TBC1D8: variants seen among roughly 807,000 people sequenced by gnomAD.
The protein encoded by TBC1D8 is TBC1 domain family member 8.
TBC1D8 carries 65 observed loss-of-function variants against 118.8 expected under a neutral mutation model. That is an observed-to-expected ratio of 0.55 (90% CI 0.45 to 0.67). The LOEUF (loss-of-function observed/expected upper bound fraction) is 0.67, where lower values mean the gene tolerates loss of function less well. Among genes scored for constraint, TBC1D8 ranks in the 30% least tolerant of loss-of-function variants. The pLI is 0.00. For synonymous variants in TBC1D8, 566 were observed against 595.8 expected, an observed-to-expected ratio of 0.95 and a Z score of 0.73; for missense variants, 1,376 against 1,471.2, an observed-to-expected ratio of 0.94 and a Z score of 1.06.
In TBC1D8 at chr2:101,054,105, T is replaced by TA. The variant is rs1422326367; in HGVS notation, c.631+2dup. 4 of 1,608,182 alleles carry TA rather than the reference T, an allele frequency of 2.5e-6. No homozygotes were observed. The highest frequency in any genetic ancestry group is 3.4e-6 in the Non-Finnish European group (4 of 1,177,202). On this transcript the variant is annotated splice_region_variant and intron_variant, in intron 4 of 19. Transcript: ENST00000409318. ...TTGGAAGAGCCTGCCAGGCCTCACT[T>TA]ACGTTCCTTGCCCAGGAAGAAGGAG...
At chr2:101,009,298 C>T (rs891299797) in intron 19 of TBC1D8, among the ~76,000 whole-genome samples, 2 of 150,534 alleles carry the variant, frequency 1.3e-5, no homozygotes, top group South Asian at 2.1e-4. Context: ...CCCAGCTACT[C>T]GGGAAGCTGA....
At chr2:101,008,374 T>G in intron 19 of TBC1D8, 101 bp from the exon 20 acceptor site, 10 of 923,582 alleles carry the variant, frequency 1.1e-5, no homozygotes, top group Non-Finnish European at 1.4e-5. Context: ...ACACAGTATT[T>G]TTGAAGACAC....
intron 1 of TBC1D8, among the ~76,000 whole-genome samples, chr2:101,146,758 T>C (rs1573120270): frequency 6.6e-6 from 1 of 152,314 alleles, no homozygotes. Context: ...ATAGCTATTC[T>C]GTAATACACG....
intron 1 of TBC1D8, among the ~76,000 whole-genome samples, chr2:101,122,970 G>T (rs1485565253): frequency 6.6e-6 from 1 of 152,154 alleles, no homozygotes; most frequent in East Asian, 1.9e-4. Flanking sequence ...ATGTGATGTG[G>T]GTGTGTAAGC....
intron 1 of TBC1D8, among the ~76,000 whole-genome samples, chr2:101,121,153 G>A (rs1055783343): frequency 1.3e-5 from 2 of 151,852 alleles, no homozygotes; most frequent in Admixed American, 6.6e-5. Context: ...GCTCTTTTGA[G>A]GAAAAGAAAA....
At chr2:101,088,744 A>C (rs542893425) in intron 2 of TBC1D8, among the ~76,000 whole-genome samples, 2 of 151,148 alleles carry the variant, frequency 1.3e-5, no homozygotes, top group South Asian at 4.2e-4. Context: ...CTAATTTTTA[A>C]ATTTTTTGCA....
chr2:101,112,810 C>A (rs1328729713), intron 1 of TBC1D8, among the ~76,000 whole-genome samples: 1 of 152,180 alleles, frequency 6.6e-6, no homozygotes, highest in East Asian at 1.9e-4. Flanking sequence ...GCCCCTAACT[C>A]ATGAAGACTA....
At chr2:101,102,571 T>C (rs1311181613) in intron 1 of TBC1D8, among the ~76,000 whole-genome samples, 1 of 151,096 alleles carries the variant, frequency 6.6e-6, no homozygotes, top group Non-Finnish European at 1.5e-5. Context: ...GGCTCAACTG[T>C]ATGTTGTCCA....
intron 1 of TBC1D8, among the ~76,000 whole-genome samples, chr2:101,092,842 T>C (rs1676129727): frequency 6.6e-6 from 1 of 152,180 alleles, no homozygotes. Context: ...TCATTGCTAA[T>C]GGGGTGCCTC....
At chr2:101,019,191 T>G in intron 17 of TBC1D8, 1 of 998,754 alleles carries the variant, frequency 1.0e-6, no homozygotes, top group South Asian at 1.7e-5. Context: ...ACGGCCGGGG[T>G]TTCAACAAGG....
rs1006700725 is a variant in TBC1D8, at chr2:101,149,963, G to A, written c.127+1164C>T. 2.3e-4 allele frequency among the ~76,000 whole-genome samples: 35 copies of A among 152,264 alleles called. 1 individual carries two copies. Among genetic ancestry groups the A allele is most frequent in the South Asian group, 1.2e-3 (6 of 4,830 alleles). ...TAACTACACTCTGCCCCTTCCATGG[G>A]GAACCCTCAGCTGCCTACAGCTCCC... On this transcript the variant is annotated intron_variant, in intron 1 of 19. Transcript: ENST00000409318.
intron 5 of TBC1D8, among the ~76,000 whole-genome samples, chr2:101,047,748 A>G (rs1302141409): frequency 6.6e-6 from 1 of 152,184 alleles, no homozygotes; most frequent in Non-Finnish European, 1.5e-5. Context: ...GGCCCTTTTT[A>G]GCCTTTCCTC....
chr2:101,081,954 C>A lies in TBC1D8; in HGVS notation c.283+8255G>T, dbSNP rs374029828. 6.8e-4 allele frequency among the ~76,000 whole-genome samples: 103 copies of A among 152,274 alleles called. 2 individuals are homozygous for A. In the South Asian group the frequency reaches 0.018, roughly 26 times the overall value. On this transcript the variant is annotated intron_variant, in intron 2 of 19. Coordinates refer to ENST00000409318, the MANE Select transcript of TBC1D8 (RefSeq NM_001330348.2). The stretch of plus-strand genomic sequence containing the variant: ...AGAAGTTCAAGACCAGCCTGACCAA[C>A]ATGATGAAACTCTGTCTCTACTAAA...
At chr2:101,032,197 A>C (rs534299687) in intron 11 of TBC1D8, 71 bp downstream of exon 11, 1 of 1,397,290 alleles carries the variant, frequency 7.2e-7, no homozygotes, top group Admixed American at 2.0e-5. Context: ...AACAGGACTG[A>C]TGAGAAACAT....
intron 1 of TBC1D8, among the ~76,000 whole-genome samples, chr2:101,126,679 C>T (rs1057229264): frequency 6.6e-6 from 1 of 152,142 alleles, no homozygotes; most frequent in African/African-American, 2.4e-5. Context: ...ATTATTACTA[C>T]AATGCTAATA....
At chr2:101,084,561 A>C (rs1375656148) in intron 2 of TBC1D8, among the ~76,000 whole-genome samples, 1 of 152,044 alleles carries the variant, frequency 6.6e-6, no homozygotes, top group Non-Finnish European at 1.5e-5. Context: ...AAAAAAAAGA[A>C]ACACACATCC....
At chr2:101,017,825 A>G (rs1489096784) in intron 17 of TBC1D8, 14 of 1,549,594 alleles carry the variant, frequency 9.0e-6, no homozygotes, top group Non-Finnish European at 1.2e-5. Flanking sequence ...TACTAATACT[A>G]ACAGTGAAGC....
intron 2 of TBC1D8, among the ~76,000 whole-genome samples, chr2:101,077,349 G>A (rs11683191): frequency 0.017 from 2,531 of 150,296 alleles, 11 homozygotes; most frequent in Middle Eastern, 0.027. Flanking sequence ...CCGGGTTCAC[G>A]CCATTCTCCT....
At chr2:101,024,432 G>C in intron 15 of TBC1D8, among the ~76,000 whole-genome samples, 1 of 130,188 alleles carries the variant, frequency 7.7e-6, no homozygotes, top group Non-Finnish European at 1.6e-5. Flanking sequence ...TTGAGACAGA[G>C]TCTCACTCTT....
Sources: allele counts gnomAD v4.1 joint callset (sites outside exome capture counted in the v4.1 genomes callset), GRCh38; gene constraint gnomAD v4.1.1; transcripts MANE v1.5; gene names NCBI Gene and HGNC (gene_info 2026-07-23, HGNC 2026-07-21).